Variants in SYNPR observed in about 807,000 individuals in gnomAD.
SYNPR encodes the protein synaptoporin.
SYNPR carries 23 observed loss-of-function variants against 32.9 expected under a neutral mutation model. That is an observed-to-expected ratio of 0.70 (90% CI 0.50 to 0.99). The LOEUF (loss-of-function observed/expected upper bound fraction) is 0.99. SYNPR is among the 50% of genes least tolerant of loss of function. SYNPR has a pLI of 0.00. For synonymous variants in SYNPR, 146 were observed against 135.9 expected (o/e 1.07, Z -0.52); for missense variants, 318 against 349.3 (o/e 0.91, Z 0.71).
At chr3:63,520,485 C>G (rs536227015) in intron 3 of SYNPR, among the ~76,000 whole-genome samples, 1 of 152,004 alleles carries the variant, frequency 6.6e-6, no homozygotes, top group Non-Finnish European at 1.5e-5. Flanking sequence ...CCAGCCTGAC[C>G]AACGTGGTGA....
At chr3:63,491,646 G>A (rs1036785161) in intron 3 of SYNPR, among the ~76,000 whole-genome samples, 2 of 151,950 alleles carry the variant, frequency 1.3e-5, no homozygotes, top group African/African-American at 2.4e-5. Flanking sequence ...TCAGCCTCCC[G>A]AGTAGTTGGG....
intron 3 of SYNPR, among the ~76,000 whole-genome samples, chr3:63,496,490 T>C (rs1341612915): frequency 6.6e-6 from 1 of 152,100 alleles, no homozygotes; most frequent in Non-Finnish European, 1.5e-5. Flanking sequence ...ACAATTAAAA[T>C]AATTTTGTAA....
chr3:63,303,749 C>A (rs949018990), intron 2 of SYNPR, among the ~76,000 whole-genome samples: 1 of 151,942 alleles, frequency 6.6e-6, no homozygotes, highest in African/African-American at 2.4e-5. Context: ...TTCTTCTATT[C>A]CCCCTTTTTA....
intron 2 of SYNPR, among the ~76,000 whole-genome samples, chr3:63,264,861 G>C (rs775123067): frequency 1.1e-4 from 17 of 151,980 alleles, no homozygotes; most frequent in Non-Finnish European, 1.6e-4. Context: ...TTATAAAACC[G>C]TCAGATCTCC....
chr3:63,497,071 C>T (rs918792456), intron 3 of SYNPR, among the ~76,000 whole-genome samples: 8 of 152,108 alleles, frequency 5.3e-5, no homozygotes, highest in African/African-American at 1.9e-4. Context: ...ATAAATATTC[C>T]TGAAATCCTT....
chr3:63,563,310 C>T, intron 4 of SYNPR, among the ~76,000 whole-genome samples: 1 of 152,148 alleles, frequency 6.6e-6, no homozygotes, highest in Non-Finnish European at 1.5e-5. Context: ...CTTTAAATTT[C>T]CCCAAACAAA....
At chr3:63,218,926 A>T in the SYNPR span, among the ~76,000 whole-genome samples, 1 of 152,180 alleles carries the variant, frequency 6.6e-6, no homozygotes, top group Non-Finnish European at 1.5e-5. Context: ...CATTTTGCAA[A>T]TATTTATGGA....
chr3:63,403,417 CAT>C (rs2088318396), intron 2 of SYNPR, among the ~76,000 whole-genome samples: 2 of 148,782 alleles, frequency 1.3e-5, no homozygotes, highest in Admixed American at 6.8e-5. Context: ...CACACACACA[CAT>C]TCTCATACGT....
chr3:63,559,133 T>C (rs982713458), intron 4 of SYNPR, among the ~76,000 whole-genome samples: 1 of 151,200 alleles, frequency 6.6e-6, no homozygotes, highest in African/African-American at 2.4e-5. Flanking sequence ...AGTGGAGCGA[T>C]CTCGGCTCAC....
At chr3:63,315,817 A>G (rs1423802118) in intron 2 of SYNPR, among the ~76,000 whole-genome samples, 1 of 151,976 alleles carries the variant, frequency 6.6e-6, no homozygotes, top group Non-Finnish European at 1.5e-5. Flanking sequence ...GTCTTATTCC[A>G]GTTCTCAGAG....
At chr3:63,506,824 C>T (rs944619659) in intron 3 of SYNPR, among the ~76,000 whole-genome samples, 1 of 152,066 alleles carries the variant, frequency 6.6e-6, no homozygotes, top group Admixed American at 6.5e-5. Flanking sequence ...TCCATGCTGC[C>T]TCTGAAACAT....
chr3:63,261,895 G>A (rs542867511), intron 2 of SYNPR, among the ~76,000 whole-genome samples: 2 of 151,516 alleles, frequency 1.3e-5, no homozygotes, highest in African/African-American at 4.8e-5. Context: ...GGGGAGAGTG[G>A]AGGGATAGCA....
intron 3 of SYNPR, among the ~76,000 whole-genome samples, chr3:63,541,923 A>G (rs1205306290): frequency 6.6e-6 from 1 of 152,178 alleles, no homozygotes; most frequent in African/African-American, 2.4e-5. Flanking sequence ...GGTAGCAGCA[A>G]AAAGAGGAAA....
At chr3:63,453,829 G>A (rs528085005) in intron 2 of SYNPR, among the ~76,000 whole-genome samples, 23 of 152,186 alleles carry the variant, frequency 1.5e-4, no homozygotes, top group Non-Finnish European at 2.5e-4. Context: ...TCTTTATAAC[G>A]TAAATAAGTA....
intron 2 of SYNPR, among the ~76,000 whole-genome samples, chr3:63,446,541 A>G (rs1227697139): frequency 3.7e-4 from 56 of 152,178 alleles, no homozygotes; most frequent in Non-Finnish European, 1.5e-4. Context: ...GGAAAATGCA[A>G]CTGACATAGA....
chr3:63,376,984 G>A (rs1675903078), intron 2 of SYNPR, among the ~76,000 whole-genome samples: 1 of 152,016 alleles, frequency 6.6e-6, no homozygotes, highest in Non-Finnish European at 1.5e-5. Context: ...TTATTGCAGT[G>A]AGTTTCATGC....
chr3:63,382,520 C>T (rs1350180689), intron 2 of SYNPR, among the ~76,000 whole-genome samples: 1 of 152,154 alleles, frequency 6.6e-6, no homozygotes, highest in African/African-American at 2.4e-5. Context: ...TTTCGTGGTG[C>T]TTTGTCTAGA....
intron 1 of SYNPR, among the ~76,000 whole-genome samples, chr3:63,238,971 A>T (rs889554995): frequency 3.3e-5 from 5 of 152,160 alleles, no homozygotes; most frequent in African/African-American, 1.2e-4. Flanking sequence ...TAAAAAATAA[A>T]GGAATTAGTA....
intron 2 of SYNPR, among the ~76,000 whole-genome samples, chr3:63,385,784 A>G (rs575782624): frequency 4.9e-4 from 74 of 152,342 alleles, no homozygotes; most frequent in African/African-American, 1.8e-3. Flanking sequence ...GGAAACACGT[A>G]CAGTATGCTG....
Sources: allele counts gnomAD v4.1 joint callset (sites outside exome capture counted in the v4.1 genomes callset), GRCh38; gene constraint gnomAD v4.1.1; transcripts MANE v1.5; gene names NCBI Gene and HGNC (gene_info 2026-07-23, HGNC 2026-07-21).